CTNND2: variants seen among roughly 807,000 people sequenced by gnomAD.
The protein encoded by CTNND2 is catenin delta 2.
A neutral mutation model predicts 144.4 loss-of-function variants in CTNND2; 22 were observed. The observed-to-expected ratio is 0.15, with a 90% confidence interval of 0.11 to 0.22. The LOEUF is 0.22. Among genes scored for constraint, CTNND2 ranks in the 10% least tolerant of loss-of-function variants. CTNND2 has a pLI of 1.00. For missense variants in CTNND2, 1,353 were observed against 1,618.8 expected, an observed-to-expected ratio of 0.84 and a Z score of 2.82; for synonymous variants, 751 against 695.6, an observed-to-expected ratio of 1.08 and a Z score of -1.25.
chr5:11,783,081 G>T (rs1368936606), intron 1 of CTNND2, among the ~76,000 whole-genome samples: 1 of 151,280 alleles, frequency 6.6e-6, no homozygotes, highest in Non-Finnish European at 1.5e-5. Context: ...AATAAATTAT[G>T]AAGAGGCTCA....
intron 2 of CTNND2, among the ~76,000 whole-genome samples, chr5:11,629,800 G>T (rs1275727328): frequency 1.3e-5 from 2 of 151,884 alleles, no homozygotes; most frequent in Admixed American, 6.6e-5. Flanking sequence ...CCTCCCAAGT[G>T]CTGGAATTAC....
intron 18 of CTNND2, among the ~76,000 whole-genome samples, chr5:10,996,387 T>G (rs570917095): frequency 1.1e-4 from 16 of 147,796 alleles, no homozygotes; most frequent in African/African-American, 4.0e-4. Flanking sequence ...GGAGCGGAGA[T>G]CCTTCTCAAA....
chr5:11,059,275 T>C (rs1412459270), intron 16 of CTNND2, among the ~76,000 whole-genome samples: 1 of 152,218 alleles, frequency 6.6e-6, no homozygotes, highest in Non-Finnish European at 1.5e-5. Flanking sequence ...GGGAAGAACC[T>C]AGTGGGAGGT....
At chr5:11,236,627 A>G in intron 10 of CTNND2, 64 bp downstream of exon 10, 2 of 1,547,746 alleles carry the variant, frequency 1.3e-6, no homozygotes, top group Non-Finnish European at 1.8e-6. Context: ...CCCCATCAAC[A>G]TTAAGAAGAT....
At chr5:11,505,384 C>G (rs1299458079) in intron 3 of CTNND2, among the ~76,000 whole-genome samples, 2 of 152,130 alleles carry the variant, frequency 1.3e-5, no homozygotes, top group African/African-American at 4.8e-5. Flanking sequence ...GGCACGGGCT[C>G]CTCAGCAAAA....
intron 11 of CTNND2, among the ~76,000 whole-genome samples, chr5:11,191,238 G>C (rs577223102): frequency 6.6e-6 from 1 of 152,134 alleles, no homozygotes; most frequent in Non-Finnish European, 1.5e-5. Flanking sequence ...TGCAATCTTC[G>C]TAGGGATAGG....
In CTNND2 at chr5:11,348,582, A is replaced by G. The variant is rs977635687; in HGVS notation, c.1373-1955T>C. On this transcript the variant is annotated intron_variant, in intron 8 of 21. Coordinates refer to ENST00000304623, the MANE Select transcript of CTNND2 (RefSeq NM_001332.4). ...TCAGGAAAGAAATAGTTTTCTATGCAAAATCATTTGCTATTAATGTATTCA... is the reference window on the plus strand; with the variant it reads ...TCAGGAAAGAAATAGTTTTCTATGCGAAATCATTTGCTATTAATGTATTCA... Among the ~76,000 whole-genome samples the G allele has an allele frequency of 3.3e-5, 5 of 152,272 alleles. No individual in the cohort carries two copies. In the East Asian group the frequency reaches 5.8e-4, roughly 18 times the overall value.
intron 10 of CTNND2, among the ~76,000 whole-genome samples, chr5:11,200,835 C>G (rs140509604): frequency 6.6e-6 from 1 of 152,182 alleles, no homozygotes; most frequent in Non-Finnish European, 1.5e-5. Context: ...TCCGCCACCA[C>G]GCCCGGCTAT....
At chr5:11,268,938 G>C (rs964037472) in intron 9 of CTNND2, among the ~76,000 whole-genome samples, 19 of 152,206 alleles carry the variant, frequency 1.2e-4, no homozygotes, top group Non-Finnish European at 2.8e-4. Flanking sequence ...TGAAGAGATA[G>C]GGAATGTTAG....
chr5:11,378,715 C>T (rs984386909), intron 7 of CTNND2, among the ~76,000 whole-genome samples: 4 of 152,284 alleles, frequency 2.6e-5, no homozygotes, highest in South Asian at 2.1e-4. Context: ...TTCATTACCC[C>T]AGTAGACTTC....
chr5:11,799,657 C>T (rs958208395), intron 1 of CTNND2, among the ~76,000 whole-genome samples: 2 of 152,104 alleles, frequency 1.3e-5, no homozygotes, highest in African/African-American at 2.4e-5. Context: ...CTTGCTCTGT[C>T]CATATCGCTA....
At chr5:11,899,539 C>T (rs1582090312) in intron 1 of CTNND2, among the ~76,000 whole-genome samples, 1 of 151,996 alleles carries the variant, frequency 6.6e-6, no homozygotes, top group African/African-American at 2.4e-5. Context: ...AGCAATATTA[C>T]AATAGGGGTT....
chr5:11,221,063 AT>A (rs574502856), intron 10 of CTNND2, among the ~76,000 whole-genome samples: 7 of 151,968 alleles, frequency 4.6e-5, no homozygotes, highest in South Asian at 2.1e-4. Context: ...AGCAAAGCAG[AT>A]TTTTTTTTCT....
chr5:11,894,563 C>CA (rs1306839355), intron 1 of CTNND2, among the ~76,000 whole-genome samples: 1 of 152,160 alleles, frequency 6.6e-6, no homozygotes, highest in Non-Finnish European at 1.5e-5. Context: ...TCTTACCCCC[C>CA]ACCATTACTG....
At chr5:11,847,234 A>C (rs1794793546) in intron 1 of CTNND2, among the ~76,000 whole-genome samples, 1 of 148,040 alleles carries the variant, frequency 6.8e-6, no homozygotes, top group Non-Finnish European at 1.5e-5. Flanking sequence ...AATCGATCTA[A>C]AAGTCATCTA....
chr5:11,036,681 G>A (rs1046035625), intron 16 of CTNND2, among the ~76,000 whole-genome samples: 2 of 152,128 alleles, frequency 1.3e-5, no homozygotes, highest in Non-Finnish European at 2.9e-5. Context: ...GAGCCACTGC[G>A]CCTGGCCTCA....
chr5:11,556,838 G>A (rs184994439), intron 3 of CTNND2, among the ~76,000 whole-genome samples: 14 of 152,110 alleles, frequency 9.2e-5, no homozygotes, highest in Admixed American at 5.9e-4. Context: ...TATTTATTAC[G>A]TTTTATCCTT....
chr5:11,558,459 C>T (rs543187531), intron 3 of CTNND2, among the ~76,000 whole-genome samples: 3 of 151,468 alleles, frequency 2.0e-5, no homozygotes, highest in African/African-American at 7.3e-5. Flanking sequence ...TTGACCTCTC[C>T]GACTCAAGTG....
chr5:11,662,180 T>TATATGTGTATATATGTGTATATATGC (rs1783270527), intron 2 of CTNND2, among the ~76,000 whole-genome samples: 1 of 136,326 alleles, frequency 7.3e-6, no homozygotes, highest in African/African-American at 2.6e-5. Flanking sequence ...TATATATACA[T>TATATGTGTATATATGTGTATATATGC]ATATGTGTAT....
Sources: allele counts gnomAD v4.1 joint callset (sites outside exome capture counted in the v4.1 genomes callset), GRCh38; gene constraint gnomAD v4.1.1; transcripts MANE v1.5; gene names NCBI Gene and HGNC (gene_info 2026-07-23, HGNC 2026-07-21).